IMMT: variants seen among roughly 807,000 people sequenced by gnomAD.
IMMT encodes the protein MICOS complex subunit MIC60.
In IMMT, 40 loss-of-function variants were observed where a neutral mutation model predicts 92.7. The observed-to-expected ratio is 0.43, with a 90% CI of 0.34 to 0.56. IMMT has a LOEUF of 0.56. Ranked by LOEUF, IMMT falls within the 20% of genes least tolerant of loss-of-function variation. The pLI is 0.03. For synonymous variants in IMMT, 322 were observed against 336.1 expected, an observed-to-expected ratio of 0.96 and a Z score of 0.46; for missense variants, 831 against 912.1, an observed-to-expected ratio of 0.91 and a Z score of 1.14.
intron 12 of IMMT, among the ~76,000 whole-genome samples, chr2:86,148,750 A>G (rs1309461543): frequency 6.6e-6 from 1 of 152,226 alleles, no homozygotes; most frequent in Non-Finnish European, 1.5e-5. Context: ...CAAAAAATAT[A>G]CCTTGCCTAA....
Position 86,179,494 on chromosome 2 carries a change from T to C in IMMT, c.248A>G (p.Asp83Gly). The C allele has an allele frequency of 5.0e-6, 8 of 1,613,420 alleles. No individual in the cohort carries two copies. The highest frequency in any genetic ancestry group is 6.8e-6 in the Non-Finnish European group (8 of 1,179,682). ...ESVEKTIPYS[D>G]KLFEMVLGPA... ...ACCAAGAACCATCTCGAAGAGTTTG[T>C]CTGAGTAAGGTATGGTTTTCTCTAC... Residue 83 changes from aspartate to glycine, a missense_variant, in exon 3 of 15, where the codon GAC becomes GGC. Physicochemically the swap from Asp to Gly is moderately conservative, Grantham distance 94 (BLOSUM62 -1). Coordinates refer to ENST00000410111, the MANE Select transcript of IMMT (RefSeq NM_006839.3).
intron 14 of IMMT, 136 bp downstream of exon 14, chr2:86,145,932 A>C: frequency 1.6e-6 from 1 of 632,096 alleles, no homozygotes; most frequent in South Asian, 4.5e-5. Flanking sequence ...TTTAATGGCA[A>C]AAACTGCAAT....
intron 10 of IMMT, among the ~76,000 whole-genome samples, chr2:86,155,374 CAG>C (rs1675783040): frequency 7.2e-4 from 1 of 1,392 alleles, no homozygotes; most frequent in Admixed American, 6.6e-3. Flanking sequence ...ATCATTTAGG[CAG>C]AGAATAGTGC....
chr2:86,158,931 C>CCCT (rs1175016350), intron 9 of IMMT, among the ~76,000 whole-genome samples: 1 of 151,854 alleles, frequency 6.6e-6, no homozygotes, highest in Non-Finnish European at 1.5e-5. Context: ...TTACTATGCC[C>CCCT]CCTCCCTCCA....
chr2:86,182,780 G>A (rs1473881078), intron 1 of IMMT, among the ~76,000 whole-genome samples: 1 of 151,954 alleles, frequency 6.6e-6, no homozygotes, highest in Non-Finnish European at 1.5e-5. Flanking sequence ...GAGCCCCGGA[G>A]GTGGAGGTTG....
At chr2:86,151,896 T>C (rs1007748318) in intron 11 of IMMT, among the ~76,000 whole-genome samples, 5 of 152,234 alleles carry the variant, frequency 3.3e-5, no homozygotes, top group Non-Finnish European at 7.3e-5. Context: ...AGGCATCCAA[T>C]TGAAGATTCT....
Position 86,161,991 on chromosome 2 carries a change from G to T in IMMT, c.881C>A (p.Ala294Asp). The T allele has an allele frequency of 6.3e-7, 1 of 1,594,476 alleles. No individual in the cohort carries two copies. The change falls in exon 8 of 15, where the codon GCC (alanine) becomes GAC (aspartate). Residue 294 changes from alanine (A) to aspartate (D), a missense_variant. Coordinates refer to ENST00000410111, the MANE Select transcript of IMMT (RefSeq NM_006839.3). Reference sequence around the variant, plus strand: ...GAGTAATTACTTGGCTTTGAGAAGGGCATCGGCAGCTTCATCTACTGCCTT... The same window carrying T: ...GAGTAATTACTTGGCTTTGAGAAGGTCATCGGCAGCTTCATCTACTGCCTT... Reference protein sequence around the residue: ...RRKAVDEAADALLKAKEELEK... With the variant: ...RRKAVDEAADDLLKAKEELEK...
intron 14 of IMMT, 85 bp downstream of exon 14, chr2:86,145,983 C>T (rs1423763057): frequency 9.0e-7 from 1 of 1,111,794 alleles, no homozygotes; most frequent in African/African-American, 1.6e-5. Flanking sequence ...GATGTCAGTA[C>T]ATGTACCCCA....
intron 1 of IMMT, 117 bp from the exon 2 acceptor site, chr2:86,181,489 C>G: frequency 1.4e-6 from 1 of 710,574 alleles, no homozygotes; most frequent in Non-Finnish European, 2.4e-6. Context: ...CAAAAAATTA[C>G]TTTTTTTCAG....
At chr2:86,188,986 A>G (rs1672961570) in intron 1 of IMMT, among the ~76,000 whole-genome samples, 1 of 152,156 alleles carries the variant, frequency 6.6e-6, no homozygotes, top group Non-Finnish European at 1.5e-5. Context: ...TGCCAAACAT[A>G]AGGTCTGTCT....
chr2:86,162,006 T>G lies in IMMT; in HGVS notation c.866A>C (p.Asp289Ala). ...GALKERRKAVDEAADALLKAK... is the reference protein window; with the variant it reads ...GALKERRKAVAEAADALLKAK... ...TTTGAGAAGGGCATCGGCAGCTTCA[T>G]CTACTGCCTTTCTGCGTTCCTTCAA... The change falls in exon 8 of 15, where the codon GAT becomes GCT. Residue 289 changes from aspartate to alanine, a missense_variant. Asp to Ala is a moderately radical substitution (Grantham distance 126, BLOSUM62 -2). Coordinates refer to ENST00000410111, the MANE Select transcript of IMMT (RefSeq NM_006839.3). The G allele has an allele frequency of 6.2e-7, 1 of 1,603,162 alleles. No individual in the cohort carries two copies. The highest frequency in any genetic ancestry group is 8.5e-7 in the Non-Finnish European group (1 of 1,174,834).
At chr2:86,185,194 C>G (rs1672692971) in intron 1 of IMMT, among the ~76,000 whole-genome samples, 1 of 151,654 alleles carries the variant, frequency 6.6e-6, no homozygotes, top group Non-Finnish European at 1.5e-5. Context: ...AAAAGAGTTC[C>G]AAGTATAGTG....
chr2:86,162,014 C>T lies in IMMT; in HGVS notation c.858G>A (p.Lys286=). ...GGGCATCGGCAGCTTCATCTACTGC[C>T]TTTCTGCGTTCCTTCAATGCACCCT... is the stretch of plus-strand genomic sequence containing the variant. ...TVEGALKERR[K]AVDEAADALL... Residue 286 remains lysine (K), a synonymous_variant, in exon 8 of 15, where the codon AAG becomes AAA. Coordinates refer to ENST00000410111, the MANE Select transcript of IMMT (RefSeq NM_006839.3). 6.2e-7 allele frequency: 1 copy of T among 1,606,350 alleles called. No individual in the cohort carries two copies. Among genetic ancestry groups the T allele is most frequent in the Non-Finnish European group, 8.5e-7 (1 of 1,176,520 alleles).
At chr2:86,171,862 A>ATTTTTTTT (rs10659146) in intron 4 of IMMT, among the ~76,000 whole-genome samples, 6 of 149,866 alleles carry the variant, frequency 4.0e-5, no homozygotes, top group African/African-American at 1.5e-4. Context: ...ATATATATAT[A>ATTTTTTTT]TTTTTTGCAC....
At chr2:86,171,163 T>C (rs889272698) in intron 5 of IMMT, 45 bp downstream of exon 5, 20 of 1,502,290 alleles carry the variant, frequency 1.3e-5, no homozygotes, top group African/African-American at 7.0e-5. Context: ...ATAGTTCTGA[T>C]GAGTGTATCA....
intron 2 of IMMT, among the ~76,000 whole-genome samples, chr2:86,179,872 T>C (rs1672300343): frequency 6.6e-6 from 1 of 151,898 alleles, no homozygotes; most frequent in African/African-American, 2.4e-5. Flanking sequence ...GCCCAGGAGT[T>C]CAAAACCACC....
At position 86,153,332 on chromosome 2, in the gene IMMT, C is replaced by CACACACACAT. The variant is rs1553445608; in HGVS notation, c.1177+227_1177+228insATGTGTGTGT. On this transcript the variant is annotated intron_variant, in intron 11 of 14. Transcript: ENST00000410111. ...ACACACACACACACACACACACACA[C>CACACACACAT]ACACACACACTTCACATCTATAGGA... is the stretch of plus-strand genomic sequence containing the variant. Among the ~76,000 whole-genome samples, 28 of 152,048 alleles carry CACACACACAT rather than the reference C, an allele frequency of 1.8e-4. 1 individual carries two copies. In the East Asian group the frequency reaches 5.4e-3, roughly 29 times the overall value.
intron 4 of IMMT, among the ~76,000 whole-genome samples, chr2:86,171,862 A>ATATATTT (rs111461385): frequency 2.0e-5 from 3 of 149,942 alleles, no homozygotes; most frequent in Non-Finnish European, 3.0e-5. Flanking sequence ...ATATATATAT[A>ATATATTT]TTTTTTGCAC....
chr2:86,152,527 G>GA (rs1675546403), intron 11 of IMMT, among the ~76,000 whole-genome samples: 1 of 151,264 alleles, frequency 6.6e-6, no homozygotes, highest in Non-Finnish European at 1.5e-5. Context: ...TTAAGAGGCC[G>GA]AGACGGGTGG....
Sources: allele counts gnomAD v4.1 joint callset (sites outside exome capture counted in the v4.1 genomes callset), GRCh38; gene constraint gnomAD v4.1.1; transcripts MANE v1.5; gene names NCBI Gene and HGNC (gene_info 2026-07-23, HGNC 2026-07-21).